CAMKMT: variants seen among roughly 807,000 people sequenced by gnomAD.
CAMKMT encodes the protein calmodulin-lysine N-methyltransferase, also known as CaM KMT.
A neutral mutation model predicts 48.0 loss-of-function variants in CAMKMT; 53 were observed. That is an observed-to-expected ratio of 1.10 (90% CI 0.89 to 1.39). The LOEUF is 1.39. Ranked by LOEUF, CAMKMT falls within the 40% of genes most tolerant of loss-of-function variation. CAMKMT has a pLI of 0.00. For missense variants in CAMKMT, 428 were observed against 402.7 expected (o/e 1.06, Z -0.54); for synonymous variants, 165 against 152.3 (o/e 1.08, Z -0.61).
At chr2:44,632,792 A>G (rs1672909976) in intron 3 of CAMKMT, among the ~76,000 whole-genome samples, 1 of 152,146 alleles carries the variant, frequency 6.6e-6, no homozygotes, top group East Asian at 1.9e-4. Flanking sequence ...AAAAACATAC[A>G]AAGACTAGAC....
At chr2:44,675,710 C>T (rs1573050072) in intron 3 of CAMKMT, among the ~76,000 whole-genome samples, 1 of 152,220 alleles carries the variant, frequency 6.6e-6, no homozygotes, top group East Asian at 1.9e-4. Context: ...TTTAAGTGTA[C>T]AGTTCAGTGG....
chr2:44,642,252 G>A (rs1240918417), intron 3 of CAMKMT, among the ~76,000 whole-genome samples: 1 of 152,182 alleles, frequency 6.6e-6, no homozygotes, highest in African/African-American at 2.4e-5. Flanking sequence ...GGCAGGCCTG[G>A]GGCATAGATG....
In CAMKMT at chr2:44,466,456, T is replaced by C. The variant is rs148655034; in HGVS notation, c.376+76151T>C. On this transcript the variant is annotated intron_variant, in intron 3 of 10. Coordinates refer to ENST00000378494, the MANE Select transcript of CAMKMT (RefSeq NM_024766.5). ...GTGTCAAAAAAATCACCAGAGAAAT[T>C]AGAAAACATCTGAAGGCAAATGAAA... Among the ~76,000 whole-genome samples, 415 of 152,156 alleles carry C rather than the reference T, an allele frequency of 2.7e-3. 2 individuals are homozygous for C. Among genetic ancestry groups the C allele is most frequent in the African/African-American group, 9.4e-3 (391 of 41,512 alleles).
intron 3 of CAMKMT, among the ~76,000 whole-genome samples, chr2:44,399,579 C>G (rs1026512184): frequency 1.3e-5 from 2 of 151,594 alleles, no homozygotes; most frequent in Non-Finnish European, 2.9e-5. Flanking sequence ...CTCCTGCCAT[C>G]TCACATTGCT....
intron 1 of CAMKMT, among the ~76,000 whole-genome samples, chr2:44,364,875 C>T (rs1339551769): frequency 6.6e-6 from 1 of 152,156 alleles, no homozygotes. Context: ...GCAAGCCCAA[C>T]CACAGAGACA....
intron 3 of CAMKMT, among the ~76,000 whole-genome samples, chr2:44,691,251 C>T (rs1317868462): frequency 6.6e-6 from 1 of 152,132 alleles, no homozygotes; most frequent in African/African-American, 2.4e-5. Flanking sequence ...GCTTCCGTAT[C>T]CTCTGGTCCT....
chr2:44,724,967 G>A (rs1041360425), intron 7 of CAMKMT, among the ~76,000 whole-genome samples: 2 of 152,124 alleles, frequency 1.3e-5, no homozygotes, highest in African/African-American at 4.8e-5. Context: ...TTATGGTACT[G>A]GGAAGAGCAG....
intron 7 of CAMKMT, among the ~76,000 whole-genome samples, chr2:44,731,329 A>G (rs1035454830): frequency 5.3e-5 from 8 of 152,180 alleles, no homozygotes; most frequent in Non-Finnish European, 1.0e-4. Flanking sequence ...TGACAGAGCA[A>G]GACTCTGTCT....
chr2:44,428,699 A>G (rs549174473), intron 3 of CAMKMT, among the ~76,000 whole-genome samples: 51 of 152,294 alleles, frequency 3.3e-4, no homozygotes, highest in Admixed American at 2.9e-3. Context: ...GTATGTCTGT[A>G]TGTATGTATA....
At chr2:44,438,448 G>T (rs1368549315) in intron 3 of CAMKMT, among the ~76,000 whole-genome samples, 2 of 152,076 alleles carry the variant, frequency 1.3e-5, no homozygotes, top group Non-Finnish European at 1.5e-5. Context: ...TTGTTTTTGT[G>T]CATAATAATT....
In CAMKMT at chr2:44,456,593, A is replaced by AT. The variant is rs1417748983; in HGVS notation, c.376+66289dup. 22 of 1,549,722 alleles carry AT rather than the reference A, an allele frequency of 1.4e-5. No homozygotes were observed. The East Asian group carries it at 5.4e-4, about 38-fold the overall frequency. On this transcript the variant is annotated intron_variant, in intron 3 of 10. Coordinates refer to ENST00000378494, the MANE Select transcript of CAMKMT (RefSeq NM_024766.5). ...GGGAAGCAACCAGGGGAAAATGAAGATATCACCATCAGTAGTAACTCTTCC... is the reference window on the plus strand; with the variant it reads ...GGGAAGCAACCAGGGGAAAATGAAGATTATCACCATCAGTAGTAACTCTTCC...
At chr2:44,410,247 A>ATATTTT (rs1487789970) in intron 3 of CAMKMT, among the ~76,000 whole-genome samples, 1 of 19,486 alleles carries the variant, frequency 5.1e-5, no homozygotes, top group African/African-American at 1.7e-4. Flanking sequence ...ATATATATAT[A>ATATTTT]TTTTTTTTTT....
At position 44,491,090 on chromosome 2, in the gene CAMKMT, G is replaced by A. The variant is rs895468187; in HGVS notation, c.376+100785G>A. Among the ~76,000 whole-genome samples, 4 of 149,398 alleles carry A rather than the reference G, an allele frequency of 2.7e-5. No individual in the cohort carries two copies. In the East Asian group the frequency reaches 7.9e-4, roughly 29 times the overall value. ...GGCTCAAGCCCAGGAGACAGAGGTT[G>A]CAGTGAGCTGAGAGCACGCCACTGC... On this transcript the variant is annotated intron_variant, in intron 3 of 10. Transcript: ENST00000378494.
At chr2:44,454,065 C>T (rs1005417668) in intron 3 of CAMKMT, among the ~76,000 whole-genome samples, 5 of 151,998 alleles carry the variant, frequency 3.3e-5, no homozygotes, top group African/African-American at 7.2e-5. Flanking sequence ...AATAAGGAGA[C>T]GGTAACATCT....
chr2:44,428,980 G>A (rs772381439), intron 3 of CAMKMT, among the ~76,000 whole-genome samples: 28 of 152,126 alleles, frequency 1.8e-4, no homozygotes, highest in Non-Finnish European at 3.8e-4. Context: ...TGCATTTGGG[G>A]GCTTTAAGAG....
chr2:44,632,201 C>G (rs946529058), intron 3 of CAMKMT, among the ~76,000 whole-genome samples: 2 of 152,094 alleles, frequency 1.3e-5, no homozygotes, highest in African/African-American at 4.8e-5. Context: ...ATACCATTTT[C>G]CTTTCACTTG....
intron 7 of CAMKMT, among the ~76,000 whole-genome samples, chr2:44,736,983 G>A (rs986842392): frequency 6.6e-6 from 1 of 152,080 alleles, no homozygotes; most frequent in African/African-American, 2.4e-5. Flanking sequence ...TCAGTTGTTT[G>A]ATTTGTCTTG....
At chr2:44,426,404 C>T (rs952988735) in intron 3 of CAMKMT, among the ~76,000 whole-genome samples, 6 of 152,268 alleles carry the variant, frequency 3.9e-5, no homozygotes, top group Non-Finnish European at 8.8e-5. Context: ...AATTGTCTCT[C>T]TTCATTGACC....
intron 3 of CAMKMT, among the ~76,000 whole-genome samples, chr2:44,599,655 T>C (rs1670868953): frequency 6.6e-6 from 1 of 152,016 alleles, no homozygotes; most frequent in African/African-American, 2.4e-5. Context: ...ACCTCAAACA[T>C]AATCATTAAG....
Sources: allele counts gnomAD v4.1 joint callset (sites outside exome capture counted in the v4.1 genomes callset), GRCh38; gene constraint gnomAD v4.1.1; transcripts MANE v1.5; gene names NCBI Gene and HGNC (gene_info 2026-07-23, HGNC 2026-07-21).